The following MAN1A2 variants were observed in gnomAD, a reference collection of about 807,000 sequenced individuals.
The protein encoded by MAN1A2 is mannosyl-oligosaccharide 1,2-alpha-mannosidase IB.
A neutral mutation model predicts 75.7 loss-of-function variants in MAN1A2; 26 were observed. The ratio of observed to expected loss-of-function variants is 0.34; its 90% confidence interval spans 0.25 to 0.48. The LOEUF is 0.48. Among genes scored for constraint, MAN1A2 ranks in the 20% least tolerant of loss-of-function variants. The pLI, the probability that MAN1A2 is intolerant of heterozygous loss-of-function variation, is 0.99. For missense variants in MAN1A2, 562 were observed against 775.5 expected, an observed-to-expected ratio of 0.72 and a Z score of 3.27; for synonymous variants, 247 against 264.6, an observed-to-expected ratio of 0.93 and a Z score of 0.65.
At chr1:117,489,433 A>G (rs1273759195) in intron 8 of MAN1A2, among the ~76,000 whole-genome samples, 4 of 152,072 alleles carry the variant, frequency 2.6e-5, no homozygotes, top group African/African-American at 2.4e-5. Flanking sequence ...TTTTCTGATC[A>G]CTAGTGAAAT....
chr1:117,523,018 T>C lies in MAN1A2; in HGVS notation c.*61T>C. 1 of 1,593,762 alleles carries C rather than the reference T, an allele frequency of 6.3e-7. No homozygotes were observed. The highest frequency in any genetic ancestry group is 1.1e-5 in the South Asian group (1 of 90,024). ...TGTTTACATGGACCACTACAGAAAT[T>C]AGTTTGAAGGGGCGGCTTTTGAAAA... On this transcript the variant is annotated 3_prime_UTR_variant, in exon 13 of 13. Transcript: ENST00000356554.
At chr1:117,489,914 G>A (rs1242887888) in intron 8 of MAN1A2, among the ~76,000 whole-genome samples, 1 of 151,498 alleles carries the variant, frequency 6.6e-6, no homozygotes, top group Non-Finnish European at 1.5e-5. Context: ...CTGTATGAGT[G>A]AATGAGGGTT....
chr1:117,432,848 A>C (rs754616304), intron 5 of MAN1A2, among the ~76,000 whole-genome samples: 4 of 150,268 alleles, frequency 2.7e-5, no homozygotes, highest in Non-Finnish European at 5.9e-5. Context: ...CAAACTATTA[A>C]TACTTGTAAA....
Position 117,528,739 on chromosome 1 carries a change from T to G in MAN1A2, c.*5782T>G, listed in dbSNP as rs1652093628. The G allele has an allele frequency of 6.6e-6, 1 of 152,108 alleles. No homozygotes were observed. The allele number at this position is 152,108 out of a possible 1,614,324, so 9.4% of individuals were successfully genotyped here. A position where few individuals can be genotyped will look rare whatever the true frequency, so the allele number is the denominator to read the frequency against. On this transcript the variant is annotated 3_prime_UTR_variant, in exon 13 of 13. Coordinates refer to ENST00000356554, the MANE Select transcript of MAN1A2 (RefSeq NM_006699.5). ...TTCTTAAACTAATAAGTGGGGTAAGTATAATCTCCTAAATTGGTACCCACT... is the reference window on the plus strand; with the variant it reads ...TTCTTAAACTAATAAGTGGGGTAAGGATAATCTCCTAAATTGGTACCCACT...
At chr1:117,437,931 G>A (rs776403465) in intron 5 of MAN1A2, among the ~76,000 whole-genome samples, 2 of 152,114 alleles carry the variant, frequency 1.3e-5, no homozygotes, top group Non-Finnish European at 2.9e-5. Flanking sequence ...TTCAACACTT[G>A]TTGAGCATCT....
intron 7 of MAN1A2, among the ~76,000 whole-genome samples, chr1:117,461,411 G>A (rs1038864669): frequency 1.3e-5 from 2 of 152,110 alleles, no homozygotes; most frequent in Admixed American, 1.3e-4. Flanking sequence ...GGGTAGTGAG[G>A]AGAGAAGGAT....
At chr1:117,493,864 G>A (rs988186273) in intron 9 of MAN1A2, 1 of 152,008 alleles carries the variant, frequency 6.6e-6, no homozygotes, top group Non-Finnish European at 1.5e-5. Flanking sequence ...TGTTTACAGA[G>A]ACTGGAAAAA....
intron 5 of MAN1A2, among the ~76,000 whole-genome samples, chr1:117,437,905 CT>C (rs930535686): frequency 5.9e-5 from 9 of 152,158 alleles, no homozygotes; most frequent in African/African-American, 2.2e-4. Flanking sequence ...AAATCTCCAC[CT>C]TTTGTCTTAA....
At chr1:117,412,331 G>T (rs1270807552) in intron 3 of MAN1A2, among the ~76,000 whole-genome samples, 1 of 151,518 alleles carries the variant, frequency 6.6e-6, no homozygotes, top group African/African-American at 2.4e-5. Flanking sequence ...AATTTTCTCT[G>T]TGCTTGTCTG....
intron 6 of MAN1A2, among the ~76,000 whole-genome samples, chr1:117,445,024 TTTCCTTCTA>T (rs1249813534): frequency 6.6e-6 from 1 of 152,150 alleles, no homozygotes; most frequent in East Asian, 1.9e-4. Context: ...ATTGAGGAAA[TTTCCTTCTA>T]TTCCTATTTC....
At chr1:117,440,711 G>T (rs1649001925) in intron 5 of MAN1A2, among the ~76,000 whole-genome samples, 1 of 151,958 alleles carries the variant, frequency 6.6e-6, no homozygotes, top group South Asian at 2.1e-4. Flanking sequence ...AATTGAGCAT[G>T]CTTTCTATTT....
intron 5 of MAN1A2, among the ~76,000 whole-genome samples, chr1:117,436,857 C>T (rs1648865228): frequency 6.6e-6 from 1 of 152,124 alleles, no homozygotes. Context: ...TATCTCTGAC[C>T]CAGTAGTCTT....
chr1:117,414,340 T>A (rs1647919331), intron 3 of MAN1A2, among the ~76,000 whole-genome samples: 2 of 151,602 alleles, frequency 1.3e-5, no homozygotes, highest in Non-Finnish European at 1.5e-5. Context: ...ACTCTCCTCT[T>A]TTCTTGAATT....
chr1:117,417,706 ACT>A (rs772502807), intron 4 of MAN1A2, among the ~76,000 whole-genome samples: 2,669 of 143,212 alleles, frequency 0.019, 47 homozygotes, highest in African/African-American at 0.042. Flanking sequence ...ACACACACAC[ACT>A]CTCTCTCTCT....
chr1:117,404,352 T>A (rs1361458300), intron 2 of MAN1A2, among the ~76,000 whole-genome samples: 1 of 152,224 alleles, frequency 6.6e-6, no homozygotes, highest in Non-Finnish European at 1.5e-5. Context: ...GATATATAAT[T>A]AAATACTCTG....
intron 1 of MAN1A2, among the ~76,000 whole-genome samples, chr1:117,393,229 T>C (rs1653789727): frequency 1.3e-5 from 2 of 152,232 alleles, no homozygotes; most frequent in African/African-American, 2.4e-5. Context: ...ATCTCCCTTA[T>C]AATAACACCA....
chr1:117,460,752 G>T, intron 7 of MAN1A2, 140 bp downstream of exon 7: 1 of 989,834 alleles, frequency 1.0e-6, no homozygotes. Flanking sequence ...TTCTTTTGAA[G>T]TTACTCAAAG....
intron 1 of MAN1A2, among the ~76,000 whole-genome samples, chr1:117,381,088 A>G (rs1208092402): frequency 1.3e-5 from 2 of 152,072 alleles, no homozygotes; most frequent in Non-Finnish European, 2.9e-5. Flanking sequence ...CATTAAATTT[A>G]TTCCTAGGTA....
intron 1 of MAN1A2, among the ~76,000 whole-genome samples, chr1:117,380,122 A>G (rs1207947150): frequency 6.6e-6 from 1 of 152,104 alleles, no homozygotes; most frequent in Non-Finnish European, 1.5e-5. Flanking sequence ...AGAGGTTCTA[A>G]TTTCTTTATA....
Sources: allele counts gnomAD v4.1 joint callset (sites outside exome capture counted in the v4.1 genomes callset), GRCh38; gene constraint gnomAD v4.1.1; transcripts MANE v1.5; gene names NCBI Gene and HGNC (gene_info 2026-07-23, HGNC 2026-07-21).